RAP2A: variants seen among roughly 807,000 people sequenced by gnomAD.
RAP2A encodes the protein ras-related protein Rap-2a.
Under a neutral mutation model 15.1 loss-of-function variants are expected in RAP2A, and 5 were observed. The observed-to-expected ratio is 0.33, with a 90% CI of 0.17 to 0.70. The LOEUF (loss-of-function observed/expected upper bound fraction) is 0.70, where lower values mean the gene tolerates loss of function less well. RAP2A is among the 30% of genes least tolerant of loss of function. RAP2A has a pLI of 0.68. For synonymous variants in RAP2A, 110 were observed against 99.7 expected (o/e 1.10, Z -0.62); for missense variants, 111 against 240.3 (o/e 0.46, Z 3.56).
chr13:97,465,250 G>C lies in RAP2A; in HGVS notation c.*808G>C, dbSNP rs1048012588. The C allele has an allele frequency of 5.9e-5, 9 of 152,724 alleles. No individual in the cohort carries two copies. Among genetic ancestry groups the C allele is most frequent in the Non-Finnish European group, 1.2e-4 (8 of 68,034 alleles). 9.5% of individuals were successfully genotyped at this position (152,724 alleles called of 1,614,324 possible). A position where few individuals can be genotyped will look rare whatever the true frequency, so the allele number is the denominator to read the frequency against. ...TACTGAACAAGAGGGAAGCAACTGT[G>C]ATGGGAAGAGATTACCTAGCCTTAC... On this transcript the variant is annotated 3_prime_UTR_variant, in exon 2 of 2. Coordinates refer to ENST00000245304, the MANE Select transcript of RAP2A (RefSeq NM_021033.7).
rs2066780063 is a variant in RAP2A at position 97,468,004 on chromosome 13, TTTG to T, written c.*3565_*3567del. 2 of 152,244 alleles carry T rather than the reference TTTG, an allele frequency of 1.3e-5. No individual in the cohort carries two copies. The highest frequency in any genetic ancestry group is 4.8e-5 in the African/African-American group (2 of 41,458). The allele number at this position is 152,244 out of a possible 1,614,324, so 9.4% of individuals were successfully genotyped here. ...TTATTTAATGAAACTCTGGATTTGC[TTTG>T]TTTTGTACATGCTCATGAGAGAAAT... On this transcript the variant is annotated 3_prime_UTR_variant, in exon 2 of 2. Transcript: ENST00000245304.
At position 97,441,618 on chromosome 13, in the gene RAP2A, T is replaced by G. The variant is rs138882103; in HGVS notation, c.314+6834T>G. ...GGTATTTTTTTCTTTTCAGTTCTCT[T>G]TTAGTCATTGTCTTTAGAACCTTAC... On this transcript the variant is annotated intron_variant, in intron 1 of 1. Coordinates refer to ENST00000245304, the MANE Select transcript of RAP2A (RefSeq NM_021033.7). The G allele has an allele frequency of 3.0e-4, 76 of 252,506 alleles. 2 individuals are homozygous for G. In the East Asian group the frequency reaches 8.2e-3, roughly 27 times the overall value. 15.6% of individuals were successfully genotyped at this position (252,506 alleles called of 1,614,324 possible).
intron 1 of RAP2A, among the ~76,000 whole-genome samples, chr13:97,439,172 A>G (rs2066646450): frequency 6.6e-6 from 1 of 152,212 alleles, no homozygotes; most frequent in African/African-American, 2.4e-5. Flanking sequence ...AGGGGAGGTA[A>G]GGTGAAAATT....
chr13:97,448,893 A>G (rs984842040), intron 1 of RAP2A, among the ~76,000 whole-genome samples: 3 of 152,294 alleles, frequency 2.0e-5, no homozygotes, highest in African/African-American at 4.8e-5. Context: ...TTATGGGGCA[A>G]TGGAGAGGAG....
chr13:97,456,634 C>A (rs2066724205), intron 1 of RAP2A, among the ~76,000 whole-genome samples: 1 of 148,586 alleles, frequency 6.7e-6, no homozygotes. Context: ...AATGTCAACA[C>A]TCAGTTTCTA....
At chr13:97,462,048 ATATATT>A (rs2066749924) in intron 1 of RAP2A, among the ~76,000 whole-genome samples, 1 of 145,412 alleles carries the variant, frequency 6.9e-6, no homozygotes, top group Admixed American at 6.9e-5. Flanking sequence ...ATATTTATAT[ATATATT>A]TATATATATA....
intron 1 of RAP2A, among the ~76,000 whole-genome samples, chr13:97,439,241 A>G (rs559755093): frequency 1.3e-5 from 2 of 152,232 alleles, no homozygotes; most frequent in Non-Finnish European, 2.9e-5. Context: ...GTCAAGGACC[A>G]TAATCACAAT....
Position 97,452,612 on chromosome 13 carries a change from C to T in RAP2A, c.315-11593C>T, listed in dbSNP as rs1011991221. Among the ~76,000 whole-genome samples the T allele has an allele frequency of 4.7e-5, 7 of 148,252 alleles. 1 individual carries two copies. Among genetic ancestry groups the T allele is most frequent in the African/African-American group, 1.7e-4 (7 of 40,108 alleles). ...TAGGTATTTTGCATTTCTGTAGAAT[C>T]CTTTGCATTTTCAAGAATCAGTCAC... On this transcript the variant is annotated intron_variant, in intron 1 of 1. Transcript: ENST00000245304.
intron 1 of RAP2A, among the ~76,000 whole-genome samples, chr13:97,454,453 T>A (rs2066714526): frequency 6.6e-6 from 1 of 151,120 alleles, no homozygotes; most frequent in Non-Finnish European, 1.5e-5. Flanking sequence ...GTCTTTTATG[T>A]TTTTTAAATG....
intron 1 of RAP2A, among the ~76,000 whole-genome samples, chr13:97,452,649 C>T (rs1232352972): frequency 1.8e-5 from 2 of 111,342 alleles, no homozygotes; most frequent in African/African-American, 5.9e-5. Context: ...CACACACACA[C>T]GCACACACAC....
intron 1 of RAP2A, among the ~76,000 whole-genome samples, chr13:97,455,310 T>G (rs925393000): frequency 3.3e-5 from 5 of 151,570 alleles, no homozygotes; most frequent in African/African-American, 1.2e-4. Flanking sequence ...AGTGTTTACC[T>G]CATAGAGCAT....
At position 97,434,191 on chromosome 13, in the gene RAP2A, G is replaced by T. The variant is rs1290566454; in HGVS notation, c.-280G>T. 1 of 146,324 alleles carries T rather than the reference G, an allele frequency of 6.8e-6. No homozygotes were observed. The highest frequency in any genetic ancestry group is 1.5e-5 in the Non-Finnish European group (1 of 65,966). 9.1% of individuals were successfully genotyped at this position (146,324 alleles called of 1,614,324 possible). On this transcript the variant is annotated 5_prime_UTR_variant, in exon 1 of 2. Coordinates refer to ENST00000245304, the MANE Select transcript of RAP2A (RefSeq NM_021033.7). ...GGCACTGCGGGCCCGCGGCTCGGGC[G>T]GCACCAGCGGCTCCCGGTCTCTCTC...
rs371021375 is a variant in RAP2A, at chr13:97,464,479, A to G, written c.*37A>G. On this transcript the variant is annotated 3_prime_UTR_variant, in exon 2 of 2. Coordinates refer to ENST00000245304, the MANE Select transcript of RAP2A (RefSeq NM_021033.7). ...GGCTGTCCTGGATGGGATTTGCCCA[A>G]TGTCGTAGGTGATAGAAAACTCGCC... 63 of 1,595,802 alleles carry G rather than the reference A, an allele frequency of 3.9e-5. 1 individual carries two copies. In the Admixed American group the frequency reaches 5.8e-4, roughly 15 times the overall value.
Position 97,434,206 on chromosome 13 carries a change from C to G in RAP2A, c.-265C>G, listed in dbSNP as rs1043045661. 1 of 145,862 alleles carries G rather than the reference C, an allele frequency of 6.9e-6. No homozygotes were observed. Among genetic ancestry groups the G allele is most frequent in the African/African-American group, 2.5e-5 (1 of 40,064 alleles). The allele number at this position is 145,862 out of a possible 1,614,324, so 9.0% of individuals were successfully genotyped here. On this transcript the variant is annotated 5_prime_UTR_variant, in exon 1 of 2. Transcript: ENST00000245304. ...CGGCTCGGGCGGCACCAGCGGCTCC[C>G]GGTCTCTCTCTCTGCTCGCCCTCAG...
chr13:97,444,678 G>T (rs1400066017), intron 1 of RAP2A, among the ~76,000 whole-genome samples: 1 of 152,122 alleles, frequency 6.6e-6, no homozygotes, highest in South Asian at 2.1e-4. Flanking sequence ...GAGTTATACA[G>T]AAATATATTT....
At position 97,462,004 on chromosome 13, in the gene RAP2A, T is replaced by A. The variant is rs1408217490; in HGVS notation, c.315-2201T>A. On this transcript the variant is annotated intron_variant, in intron 1 of 1. Transcript: ENST00000245304. ...TATATATATATTTATATATTTATAT[T>A]TATATATTTATATAGATATTTATAT... Among the ~76,000 whole-genome samples the A allele has an allele frequency of 7.6e-5, 11 of 144,308 alleles. No individual in the cohort carries two copies. The East Asian group carries it at 7.9e-4, about 10-fold the overall frequency. The allele number at this position is 144,308 out of a possible 152,430, so 94.7% of individuals were successfully genotyped here.
At chr13:97,458,166 CT>C (rs1208718946) in intron 1 of RAP2A, among the ~76,000 whole-genome samples, 1 of 152,032 alleles carries the variant, frequency 6.6e-6, no homozygotes. Flanking sequence ...GACGTTTTGC[CT>C]TGGGACTCTC....
chr13:97,464,211 G>A lies in RAP2A; in HGVS notation c.321G>A (p.Glu107=), dbSNP rs2066760099. 1 of 1,614,136 alleles carries A rather than the reference G, an allele frequency of 6.2e-7. No homozygotes were observed. The highest frequency in any genetic ancestry group is 8.5e-7 in the Non-Finnish European group (1 of 1,179,988). Residue 107 remains glutamate (E), a synonymous_variant, in exon 2 of 2, where the codon GAG becomes GAA. Coordinates refer to ENST00000245304, the MANE Select transcript of RAP2A (RefSeq NM_021033.7). ...TTTGTTTATTCTCTCATAGGTATGA[G>A]AAAGTGCCAGTCATCTTGGTTGGGA... The part of the protein sequence containing the change: ...RDQIIRVKRY[E]KVPVILVGNK...
At chr13:97,454,717 C>A (rs2066715860) in intron 1 of RAP2A, among the ~76,000 whole-genome samples, 1 of 151,238 alleles carries the variant, frequency 6.6e-6, no homozygotes, top group Non-Finnish European at 1.5e-5. Context: ...ATTTTTCTTT[C>A]CTCATTTTTA....
Sources: gnomAD v4.1 joint callset for allele counts (sites outside exome capture counted in the v4.1 genomes callset) on GRCh38, gnomAD v4.1.1 for gene constraint, MANE v1.5 for transcripts, NCBI Gene and HGNC (gene_info 2026-07-23, HGNC 2026-07-21) for gene names.